The following CCDC150 variants were observed in gnomAD, a reference collection of about 807,000 sequenced individuals.
The protein encoded by CCDC150 is coiled-coil domain containing 150, also known as coiled-coil domain-containing protein 150.
CCDC150 carries 151 observed loss-of-function variants against 156.5 expected under a neutral mutation model. That is an observed-to-expected ratio of 0.97 (90% CI 0.85 to 1.10). CCDC150 has a LOEUF of 1.10. CCDC150 is among the 50% of genes least tolerant of loss of function. The probability of loss-of-function intolerance (pLI) is 0.00; values close to 1 mark genes in which losing one functional copy is unlikely to be tolerated. For missense variants in CCDC150, 1,312 were observed against 1,268.1 expected, an observed-to-expected ratio of 1.03 and a Z score of -0.53; for synonymous variants, 452 against 429.4, an observed-to-expected ratio of 1.05 and a Z score of -0.65.
At chr2:196,682,937 G>A (rs1694927012) in intron 13 of CCDC150, among the ~76,000 whole-genome samples, 1 of 151,680 alleles carries the variant, frequency 6.6e-6, no homozygotes, top group South Asian at 2.1e-4. Context: ...CGAACTCCTG[G>A]GCTCTCTATT....
intron 1 of CCDC150, among the ~76,000 whole-genome samples, chr2:196,643,846 C>A (rs1692377599): frequency 6.6e-6 from 1 of 152,130 alleles, no homozygotes; most frequent in Non-Finnish European, 1.5e-5. Context: ...ATGCCTGGGC[C>A]TACTATATGT....
intron 14 of CCDC150, among the ~76,000 whole-genome samples, chr2:196,699,308 A>G (rs1696039977): frequency 6.6e-6 from 1 of 152,184 alleles, no homozygotes; most frequent in South Asian, 2.1e-4. Flanking sequence ...TGAAATAAAT[A>G]TTAATTCTGA....
At chr2:196,666,188 G>A (rs986063320) in intron 6 of CCDC150, among the ~76,000 whole-genome samples, 1 of 151,984 alleles carries the variant, frequency 6.6e-6, no homozygotes, top group Admixed American at 6.6e-5. Context: ...ATGATATTTT[G>A]CCTTCATATT....
At chr2:196,688,823 C>A (rs1695267970) in intron 13 of CCDC150, among the ~76,000 whole-genome samples, 3 of 151,010 alleles carry the variant, frequency 2.0e-5, no homozygotes, top group African/African-American at 7.3e-5. Flanking sequence ...CTTGCCCATG[C>A]CTATGTCCTG....
chr2:196,674,609 A>G (rs1694389632), intron 10 of CCDC150, among the ~76,000 whole-genome samples: 1 of 151,620 alleles, frequency 6.6e-6, no homozygotes, highest in Non-Finnish European at 1.5e-5. Flanking sequence ...AATCATGGAG[A>G]ACACGTATGA....
chr2:196,726,255 C>T, intron 22 of CCDC150, 156 bp downstream of exon 22: 1 of 777,872 alleles, frequency 1.3e-6, no homozygotes, highest in South Asian at 2.1e-5. Context: ...AAGCAACACA[C>T]AAGAAAAAAG....
At position 196,729,967 on chromosome 2, in the gene CCDC150, T is replaced by C. The variant is rs1437821215; in HGVS notation, c.2831T>C (p.Ile944Thr). 2 of 1,612,268 alleles carry C rather than the reference T, an allele frequency of 1.2e-6. No homozygotes were observed. Among genetic ancestry groups the C allele is most frequent in the Admixed American group, 1.7e-5 (1 of 59,712 alleles). The change falls in exon 25 of 28, where the codon ATC becomes ACC. Residue 944 changes from isoleucine (I) to threonine (T), a missense_variant. Ile to Thr is a moderately conservative substitution (Grantham distance 89, BLOSUM62 -1). Coordinates refer to ENST00000389175, the MANE Select transcript of CCDC150 (RefSeq NM_001080539.2). ...QKKNYEQSLS[I>T]QRFVCEMTNL... Reference sequence around the variant, plus strand: ...TTTGTATCCTTCCAGTCTTTGAGTATCCAGAGATTTGTGTGTGAAATGACT... The same window carrying C: ...TTTGTATCCTTCCAGTCTTTGAGTACCCAGAGATTTGTGTGTGAAATGACT...
Position 196,712,271 on chromosome 2 carries a change from A to G in CCDC150, c.1803+19A>G. 1 of 1,296,758 alleles carries G rather than the reference A, an allele frequency of 7.7e-7. No homozygotes were observed. The allele number at this position is 1,296,758 out of a possible 1,614,324, so 80.3% of individuals were successfully genotyped here. ...TGCTCAGGTGTGATTAATATCTACA[A>G]AAGCGGATTGCTGCTATATTTCGTT... On this transcript the variant is annotated intron_variant, in intron 16 of 27. Coordinates refer to ENST00000389175, the MANE Select transcript of CCDC150 (RefSeq NM_001080539.2).
At chr2:196,690,246 G>C (rs144878676) in intron 13 of CCDC150, among the ~76,000 whole-genome samples, 1 of 151,836 alleles carries the variant, frequency 6.6e-6, no homozygotes, top group Middle Eastern at 3.2e-3. Flanking sequence ...GAGGGAGGAG[G>C]GGGGAGGGAT....
In CCDC150 at chr2:196,674,224, T is replaced by A; in HGVS notation, c.1030-17T>A. On this transcript the variant is annotated splice_polypyrimidine_tract_variant and intron_variant, in intron 9 of 27. Coordinates refer to ENST00000389175, the MANE Select transcript of CCDC150 (RefSeq NM_001080539.2). ...TTTATTGGAGAGACCAATGACTTGC[T>A]GTGTGTGTTTTCTTAGGTTTTGAAT... The A allele has an allele frequency of 6.9e-7, 1 of 1,457,860 alleles. No homozygotes were observed. 90.3% of individuals were successfully genotyped at this position (1,457,860 alleles called of 1,614,324 possible).
intron 1 of CCDC150, 43 bp downstream of exon 1, chr2:196,639,821 C>A: frequency 6.5e-7 from 1 of 1,546,626 alleles, no homozygotes; most frequent in African/African-American, 1.4e-5. Context: ...TGGTCGGAGG[C>A]TCGCGAGGCT....
chr2:196,663,398 A>G (rs1224976740), intron 5 of CCDC150, among the ~76,000 whole-genome samples: 1 of 152,220 alleles, frequency 6.6e-6, no homozygotes, highest in Non-Finnish European at 1.5e-5. Flanking sequence ...AAAATTATTA[A>G]GATGTTAGTT....
At chr2:196,674,954 A>G (rs938393937) in intron 10 of CCDC150, among the ~76,000 whole-genome samples, 10 of 152,120 alleles carry the variant, frequency 6.6e-5, no homozygotes, top group Admixed American at 5.2e-4. Flanking sequence ...ATGTAAAAGG[A>G]TATTTATTAT....
chr2:196,648,847 C>T (rs1056379488), intron 2 of CCDC150, among the ~76,000 whole-genome samples: 1 of 152,090 alleles, frequency 6.6e-6, no homozygotes, highest in Non-Finnish European at 1.5e-5. Flanking sequence ...CAATTTCATT[C>T]TTCTGTATGT....
At chr2:196,702,215 T>C (rs1349600615) in intron 15 of CCDC150, among the ~76,000 whole-genome samples, 1 of 152,090 alleles carries the variant, frequency 6.6e-6, no homozygotes, top group African/African-American at 2.4e-5. Context: ...TGCCATTGCA[T>C]TCCTGCCTGG....
intron 17 of CCDC150, among the ~76,000 whole-genome samples, chr2:196,717,347 T>C (rs962401001): frequency 2.0e-5 from 3 of 152,214 alleles, no homozygotes; most frequent in Non-Finnish European, 4.4e-5. Flanking sequence ...AATTCTTTTC[T>C]GGTGATGGAA....
chr2:196,679,291 A>G, intron 13 of CCDC150, among the ~76,000 whole-genome samples: 1 of 152,288 alleles, frequency 6.6e-6, no homozygotes, highest in Non-Finnish European at 1.5e-5. Flanking sequence ...ACCCTGAGGA[A>G]GTTCCCTTGT....
At chr2:196,681,984 C>T (rs1003849987) in intron 13 of CCDC150, among the ~76,000 whole-genome samples, 1 of 151,814 alleles carries the variant, frequency 6.6e-6, no homozygotes, top group African/African-American at 2.4e-5. Flanking sequence ...TCTGTGTTTC[C>T]TTGGATTGTT....
intron 15 of CCDC150, among the ~76,000 whole-genome samples, chr2:196,708,951 C>T (rs533743020): frequency 6.6e-6 from 1 of 152,310 alleles, no homozygotes; most frequent in African/African-American, 2.4e-5. Flanking sequence ...TCCTTCATTT[C>T]AACCTTAGTG....
Sources: allele counts gnomAD v4.1 joint callset (sites outside exome capture counted in the v4.1 genomes callset), GRCh38; gene constraint gnomAD v4.1.1; transcripts MANE v1.5; gene names NCBI Gene and HGNC (gene_info 2026-07-23, HGNC 2026-07-21).